Variants in ANKRD28 observed in about 807,000 individuals in gnomAD.
The protein encoded by ANKRD28 is ankyrin repeat domain 28, also known as serine/threonine-protein phosphatase 6 regulatory ankyrin repeat subunit A.
ANKRD28 carries 44 observed loss-of-function variants against 126.5 expected under a neutral mutation model. The ratio of observed to expected loss-of-function variants is 0.35; its 90% CI spans 0.27 to 0.45. ANKRD28 has a LOEUF of 0.45. Ranked by LOEUF, ANKRD28 falls within the 20% of genes least tolerant of loss-of-function variation. ANKRD28 has a pLI of 1.00. For missense variants in ANKRD28, 1,110 were observed against 1,316.6 expected, an observed-to-expected ratio of 0.84 and a Z score of 2.43; for synonymous variants, 442 against 468.5, an observed-to-expected ratio of 0.94 and a Z score of 0.73.
At chr3:15,775,032 A>C (rs2059192550) in intron 2 of ANKRD28, among the ~76,000 whole-genome samples, 1 of 115,792 alleles carries the variant, frequency 8.6e-6, no homozygotes, top group Non-Finnish European at 1.7e-5. Flanking sequence ...GCCCACCACC[A>C]CGCCTGGCTA....
Position 15,742,471 on chromosome 3 carries a change from G to A in ANKRD28, c.352-5238C>T, listed in dbSNP as rs553409860. 3.7e-3 allele frequency among the ~76,000 whole-genome samples: 511 copies of A among 139,278 alleles called. 1 individual carries two copies. Among genetic ancestry groups the A allele is most frequent in the Non-Finnish European group, 4.3e-3 (279 of 64,204 alleles). 91.4% of individuals were successfully genotyped at this position (139,278 alleles called of 152,430 possible). On this transcript the variant is annotated intron_variant, in intron 4 of 27. Transcript: ENST00000683139. ...AGGAGCGTCTCTGCCCAGCCGCCCC[G>A]TCTGAGAAGTGAGGAGACCCTCCGC...
chr3:15,705,835 C>A (rs1035799605), intron 14 of ANKRD28, among the ~76,000 whole-genome samples: 10 of 150,498 alleles, frequency 6.6e-5, no homozygotes, highest in African/African-American at 2.5e-4. Flanking sequence ...TCTGTCTCTA[C>A]TAAAATTACA....
intron 21 of ANKRD28, among the ~76,000 whole-genome samples, chr3:15,680,634 G>A (rs990651348): frequency 6.6e-6 from 1 of 151,964 alleles, no homozygotes; most frequent in Admixed American, 6.6e-5. Context: ...TATCAACAAC[G>A]CTGTAATGAA....
In ANKRD28 at chr3:15,670,418, T is replaced by G; in HGVS notation, c.3104A>C (p.Asn1035Thr). Residue 1035 changes from asparagine to threonine, a missense_variant, in exon 28 of 28, where the codon AAC becomes ACC. By Grantham distance (65) the Asn-to-Thr change is moderately conservative. Transcript: ENST00000683139. ...TTCAAAGCTGACTGTTTTTGAGGTG[T>G]TGGTATAACGGTTAATGGCATTGAA... ...LTFNAINRYT[N>T]TSKTVSFEAL... 1 of 1,613,960 alleles carries G rather than the reference T, an allele frequency of 6.2e-7. No homozygotes were observed. Among genetic ancestry groups the G allele is most frequent in the Non-Finnish European group, 8.5e-7 (1 of 1,179,858 alleles).
chr3:15,685,285 G>A lies in ANKRD28; in HGVS notation c.2330C>T (p.Ala777Val). The A allele has an allele frequency of 6.2e-7, 1 of 1,613,954 alleles. No homozygotes were observed. Reference protein sequence around the residue: ...ALLQSAASMDANPATADNHGY... With the variant: ...ALLQSAASMDVNPATADNHGY... ...ATGATTGTCTGCTGTGGCTGGATTT[G>A]CATCCATAGATGCTGCTGACTGCAA... Residue 777 changes from alanine (A) to valine (V), a missense_variant, in exon 21 of 28, where the codon GCA becomes GTA. Coordinates refer to ENST00000683139, the MANE Select transcript of ANKRD28 (RefSeq NM_001349278.2).
At position 15,667,807 on chromosome 3, in the gene ANKRD28, A is replaced by T. The variant is rs139014065; in HGVS notation, c.*2463T>A. The T allele has an allele frequency of 6.6e-5, 10 of 152,382 alleles. No individual in the cohort carries two copies. In the East Asian group the frequency reaches 1.9e-3, roughly 29 times the overall value. The allele number at this position is 152,382 out of a possible 1,614,324, so 9.4% of individuals were successfully genotyped here. The stretch of plus-strand genomic sequence containing the variant: ...CTACCTTAATGTTTTTGGTAACAGC[A>T]TCATTTACATATAAGTGATGCAGGA... On this transcript the variant is annotated 3_prime_UTR_variant, in exon 28 of 28. Coordinates refer to ENST00000683139, the MANE Select transcript of ANKRD28 (RefSeq NM_001349278.2).
chr3:15,849,159 C>A (rs1458727481), intron 1 of ANKRD28, among the ~76,000 whole-genome samples: 1 of 152,064 alleles, frequency 6.6e-6, no homozygotes, highest in East Asian at 1.9e-4. Context: ...GATTAAAGAA[C>A]CTTAATAAAT....
At chr3:15,692,195 T>C (rs2068902356) in intron 17 of ANKRD28, among the ~76,000 whole-genome samples, 1 of 146,940 alleles carries the variant, frequency 6.8e-6, no homozygotes, top group Non-Finnish European at 1.5e-5. Flanking sequence ...CTCACACCTA[T>C]ATCTCAGCAC....
intron 27 of ANKRD28, among the ~76,000 whole-genome samples, chr3:15,675,266 G>A (rs35617908): frequency 0.029 from 4,393 of 152,168 alleles, 89 homozygotes; most frequent in Middle Eastern, 0.041. Context: ...GCTAGACTCC[G>A]TCTCAAAAAC....
At position 15,779,162 on chromosome 3, in the gene ANKRD28, A is replaced by G. The variant is rs186046555; in HGVS notation, c.202-12850T>C. On this transcript the variant is annotated intron_variant, in intron 2 of 27. Transcript: ENST00000683139. ...TACAATACCAGAAATAATACAGGGG[A>G]CCATCTTAAAAGTCTGCCTACCATA... Among the ~76,000 whole-genome samples, 53 of 152,302 alleles carry G rather than the reference A, an allele frequency of 3.5e-4. 1 individual carries two copies. In the East Asian group the frequency reaches 9.9e-3, roughly 28 times the overall value.
At chr3:15,729,146 T>C (rs2074397878) in intron 6 of ANKRD28, among the ~76,000 whole-genome samples, 1 of 152,188 alleles carries the variant, frequency 6.6e-6, no homozygotes, top group Non-Finnish European at 1.5e-5. Flanking sequence ...CCCACTCAAC[T>C]ACATAGAAAG....
chr3:15,850,224 T>TATAGAGAGAGAGAG (rs1418223588), intron 1 of ANKRD28, among the ~76,000 whole-genome samples: 51 of 35,106 alleles, frequency 1.5e-3, no homozygotes, highest in Non-Finnish European at 2.0e-3. Flanking sequence ...TATATATATA[T>TATAGAGAGAGAGAG]AGAGAGAGAG....
At chr3:15,720,266 G>GT (rs573481408) in intron 8 of ANKRD28, among the ~76,000 whole-genome samples, 2 of 151,524 alleles carry the variant, frequency 1.3e-5, no homozygotes, top group Admixed American at 1.3e-4. Flanking sequence ...CACACTGACA[G>GT]TTTTTTTTCC....
intron 1 of ANKRD28, among the ~76,000 whole-genome samples, chr3:15,841,498 T>C (rs994546087): frequency 2.6e-5 from 4 of 151,328 alleles, no homozygotes; most frequent in Admixed American, 2.0e-4. Flanking sequence ...AGACAACCCA[T>C]AGAATGGGAG....
intron 1 of ANKRD28, among the ~76,000 whole-genome samples, chr3:15,831,326 C>T (rs1318482662): frequency 6.6e-6 from 1 of 152,196 alleles, no homozygotes; most frequent in South Asian, 2.1e-4. Context: ...AACTATTGTG[C>T]ATATGTGCAC....
At chr3:15,766,084 G>A in intron 3 of ANKRD28, 150 bp downstream of exon 3, 1 of 599,926 alleles carries the variant, frequency 1.7e-6, no homozygotes, top group Non-Finnish European at 2.9e-6. Context: ...TATGTGATCA[G>A]TATTTATGGA....
At chr3:15,786,840 G>A (rs962867768) in intron 2 of ANKRD28, among the ~76,000 whole-genome samples, 1 of 151,912 alleles carries the variant, frequency 6.6e-6, no homozygotes, top group Non-Finnish European at 1.5e-5. Context: ...AGTATTTACC[G>A]TCCACCAATT....
chr3:15,751,845 T>C (rs1197302233), intron 3 of ANKRD28, 25 bp from the exon 4 acceptor site: 10 of 1,442,670 alleles, frequency 6.9e-6, no homozygotes, highest in South Asian at 1.3e-5. Context: ...AAAAAATAAA[T>C]TGAAATATTG....
chr3:15,801,795 T>C (rs1009214719), upstream of ANKRD28, among the ~76,000 whole-genome samples: 1 of 152,148 alleles, frequency 6.6e-6, no homozygotes, highest in South Asian at 2.1e-4. This position sits in a 1 kb window ranked among gnomAD's most constrained non-coding sequence, Gnocchi z 4.9. Context: ...AAAATCCTCA[T>C]AATAGATCAG....
Sources: allele counts gnomAD v4.1 joint callset (sites outside exome capture counted in the v4.1 genomes callset), GRCh38; gene constraint gnomAD v4.1.1; non-coding constraint Gnocchi (gnomAD v3.1); transcripts MANE v1.5; gene names NCBI Gene and HGNC (gene_info 2026-07-23, HGNC 2026-07-21).